Variants in TBC1D22A observed in about 807,000 individuals in gnomAD.
TBC1D22A encodes the protein TBC1 domain family member 22A, also known as putative GTPase activator.
TBC1D22A carries 38 observed loss-of-function variants against 60.2 expected under a neutral mutation model. That is an observed-to-expected ratio of 0.63 (90% CI 0.49 to 0.83). TBC1D22A has a LOEUF of 0.83. TBC1D22A is among the 40% of genes least tolerant of loss of function. The probability of loss-of-function intolerance (pLI) is 0.00; values close to 1 mark genes in which losing one functional copy is unlikely to be tolerated. For synonymous variants in TBC1D22A, 302 were observed against 281.7 expected (o/e 1.07, Z -0.72); for missense variants, 628 against 701.0 (o/e 0.90, Z 1.18).
chr22:46,868,656 T>C (rs2067165911), intron 4 of TBC1D22A, among the ~76,000 whole-genome samples: 1 of 152,216 alleles, frequency 6.6e-6, no homozygotes, highest in South Asian at 2.1e-4. Flanking sequence ...GTACTTGTCT[T>C]GATATTTCTA....
At chr22:47,165,769 C>T (rs1430969037) in intron 12 of TBC1D22A, among the ~76,000 whole-genome samples, 2 of 152,100 alleles carry the variant, frequency 1.3e-5, no homozygotes, top group African/African-American at 4.8e-5. Context: ...CCCCCCGGAC[C>T]CCGGGGGTCC....
intron 1 of TBC1D22A, among the ~76,000 whole-genome samples, chr22:46,779,942 C>T (rs1601830915): frequency 6.6e-6 from 1 of 152,196 alleles, no homozygotes. Context: ...TGCTGTTGAC[C>T]CTCGGGGTGG....
intron 11 of TBC1D22A, among the ~76,000 whole-genome samples, chr22:47,099,171 G>T (rs2065309864): frequency 6.6e-6 from 1 of 152,220 alleles, no homozygotes; most frequent in Admixed American, 6.5e-5. Flanking sequence ...GTGTGGAAGT[G>T]CAGACCCTGC....
chr22:46,866,728 A>G (rs1367753943), intron 4 of TBC1D22A, among the ~76,000 whole-genome samples: 2 of 152,216 alleles, frequency 1.3e-5, no homozygotes, highest in South Asian at 2.1e-4. Flanking sequence ...TGCCCCAGAA[A>G]GACACTGACG....
intron 10 of TBC1D22A, among the ~76,000 whole-genome samples, chr22:47,020,190 C>T (rs1232238252): frequency 6.6e-6 from 1 of 152,320 alleles, no homozygotes; most frequent in East Asian, 1.9e-4. Flanking sequence ...GAGGAACAGC[C>T]TTGCAAACCA....
intron 8 of TBC1D22A, among the ~76,000 whole-genome samples, chr22:46,972,679 C>T (rs373306661): frequency 6.6e-6 from 1 of 152,142 alleles, no homozygotes; most frequent in African/African-American, 2.4e-5. Context: ...GGTTTCTTTC[C>T]GTGGTGATGC....
chr22:47,131,919 G>C (rs1046879384), intron 12 of TBC1D22A, among the ~76,000 whole-genome samples: 1 of 152,212 alleles, frequency 6.6e-6, no homozygotes, highest in Non-Finnish European at 1.5e-5. Context: ...GGAGCCACTC[G>C]AGTTCGTGGC....
intron 11 of TBC1D22A, among the ~76,000 whole-genome samples, chr22:47,111,271 G>T (rs939256165): frequency 6.6e-6 from 1 of 152,248 alleles, no homozygotes; most frequent in African/African-American, 2.4e-5. Flanking sequence ...GCTGTCTGAA[G>T]CTTGGTCTGC....
intron 5 of TBC1D22A, among the ~76,000 whole-genome samples, chr22:46,883,698 G>A (rs1161911679): frequency 2.0e-5 from 3 of 152,204 alleles, no homozygotes. Context: ...ACCCCTGCTG[G>A]CCCACGCTGC....
chr22:46,955,028 C>T (rs1169939514), intron 8 of TBC1D22A, among the ~76,000 whole-genome samples: 4 of 152,102 alleles, frequency 2.6e-5, no homozygotes, highest in Non-Finnish European at 5.9e-5. Context: ...AATAATAAGA[C>T]GCGGCTTTTG....
intron 5 of TBC1D22A, among the ~76,000 whole-genome samples, chr22:46,879,356 G>T (rs370178498): frequency 6.6e-5 from 10 of 152,172 alleles, no homozygotes; most frequent in Non-Finnish European, 1.5e-4. Context: ...CAGGCTTGCC[G>T]TTGGAAGTGA....
chr22:46,768,712 A>T (rs1272137314), intron 1 of TBC1D22A, among the ~76,000 whole-genome samples: 7 of 152,164 alleles, frequency 4.6e-5, no homozygotes, highest in African/African-American at 1.7e-4. Flanking sequence ...GATGTTTGCT[A>T]TTTTAGCTCA....
chr22:46,909,327 C>T (rs2069730056), intron 7 of TBC1D22A, among the ~76,000 whole-genome samples: 1 of 152,218 alleles, frequency 6.6e-6, no homozygotes, highest in African/African-American at 2.4e-5. Flanking sequence ...CACACTCACT[C>T]ACTCACACCC....
At chr22:46,982,919 G>T (rs2074571413) in intron 9 of TBC1D22A, among the ~76,000 whole-genome samples, 1 of 152,208 alleles carries the variant, frequency 6.6e-6, no homozygotes, top group African/African-American at 2.4e-5. Context: ...AAATGTCTGG[G>T]GTGCTTTTCA....
At chr22:46,951,197 A>G (rs921002887) in intron 8 of TBC1D22A, among the ~76,000 whole-genome samples, 1 of 152,222 alleles carries the variant, frequency 6.6e-6, no homozygotes, top group Non-Finnish European at 1.5e-5. Flanking sequence ...GTGTATGTAT[A>G]GTGCTGGGAA....
chr22:46,904,101 A>C (rs190348099), intron 7 of TBC1D22A, among the ~76,000 whole-genome samples: 1 of 33,074 alleles, frequency 3.0e-5, no homozygotes, highest in Non-Finnish European at 7.1e-5. Flanking sequence ...AATAAAATCT[A>C]TCTATCTATC....
At chr22:46,935,974 A>T (rs1166766679) in intron 8 of TBC1D22A, among the ~76,000 whole-genome samples, 1 of 152,168 alleles carries the variant, frequency 6.6e-6, no homozygotes, top group Non-Finnish European at 1.5e-5. Flanking sequence ...TGAACTCTGA[A>T]GCGCTGTGCT....
chr22:46,935,416 C>T (rs1474479422), intron 8 of TBC1D22A, among the ~76,000 whole-genome samples: 1 of 152,194 alleles, frequency 6.6e-6, no homozygotes, highest in East Asian at 1.9e-4. Context: ...ACTGAGTTCG[C>T]ACAGTGAATT....
intron 1 of TBC1D22A, among the ~76,000 whole-genome samples, chr22:46,778,518 C>T (rs1444271945): frequency 2.0e-5 from 3 of 151,866 alleles, no homozygotes; most frequent in Admixed American, 6.6e-5. Context: ...TAGCCTAGGC[C>T]GACACAGGGT....
Sources: gnomAD v4.1 joint callset for allele counts (sites outside exome capture counted in the v4.1 genomes callset) on GRCh38, gnomAD v4.1.1 for gene constraint, MANE v1.5 for transcripts, NCBI Gene and HGNC (gene_info 2026-07-23, HGNC 2026-07-21) for gene names.